The following BACH2 variants were observed in gnomAD, a reference collection of about 807,000 sequenced individuals.
The protein encoded by BACH2 is BACH transcriptional regulator 2.
In BACH2, 5 loss-of-function variants were observed where a neutral mutation model predicts 61.8. The ratio of observed to expected loss-of-function variants is 0.08; its 90% CI spans 0.04 to 0.17. The LOEUF (loss-of-function observed/expected upper bound fraction) is 0.17. BACH2 is among the 10% of genes least tolerant of loss of function. The pLI is 1.00. For missense variants in BACH2, 824 were observed against 1,091.1 expected (o/e 0.76, Z 3.45); for synonymous variants, 446 against 440.1 (o/e 1.01, Z -0.17).
intron 2 of BACH2, among the ~76,000 whole-genome samples, chr6:90,271,254 A>G (rs1243919601): frequency 6.6e-6 from 1 of 152,070 alleles, no homozygotes; most frequent in Non-Finnish European, 1.5e-5. Flanking sequence ...CAACAGAGTA[A>G]AAAGACAACC....
intron 3 of BACH2, among the ~76,000 whole-genome samples, chr6:90,219,354 C>T (rs1769658252): frequency 6.6e-6 from 1 of 152,184 alleles, no homozygotes; most frequent in Non-Finnish European, 1.5e-5. Flanking sequence ...CCTCAGATAG[C>T]CAAGCGGGTG....
chr6:90,079,901 G>C (rs1562427471), intron 5 of BACH2, among the ~76,000 whole-genome samples: 1 of 151,874 alleles, frequency 6.6e-6, no homozygotes, highest in Non-Finnish European at 1.5e-5. Flanking sequence ...TTTCCAGTTA[G>C]TGTTTGTACT....
rs534263297 is a variant in BACH2 at position 90,122,414 on chromosome 6, C to A, written c.-161-33305G>T. Among the ~76,000 whole-genome samples, 38 of 151,538 alleles carry A rather than the reference C, an allele frequency of 2.5e-4. 1 individual carries two copies. The East Asian group carries it at 5.0e-3, about 20-fold the overall frequency. ...CCCTTACCAGAACAACAAGAACAAT[C>A]AAAAAAAAGGTTTACAGGAAAGGAC... is the stretch of plus-strand genomic sequence containing the variant. On this transcript the variant is annotated intron_variant, in intron 4 of 8. Transcript: ENST00000257749.
intron 5 of BACH2, among the ~76,000 whole-genome samples, chr6:90,065,656 TAGA>T (rs1780925995): frequency 1.3e-5 from 2 of 152,296 alleles, no homozygotes; most frequent in African/African-American, 4.8e-5. Context: ...CAGTCCAAAC[TAGA>T]AGAACTGCCC....
At chr6:90,174,836 T>C (rs1171902846) in intron 4 of BACH2, among the ~76,000 whole-genome samples, 1 of 151,494 alleles carries the variant, frequency 6.6e-6, no homozygotes, top group Non-Finnish European at 1.5e-5. Flanking sequence ...TTCTATTACA[T>C]AAAAGCTAAA....
chr6:89,939,234 G>A (rs1584503318), intron 7 of BACH2, among the ~76,000 whole-genome samples: 1 of 152,164 alleles, frequency 6.6e-6, no homozygotes, highest in East Asian at 1.9e-4. Flanking sequence ...GATGCCTCTA[G>A]TCAACAACCA....
intron 5 of BACH2, among the ~76,000 whole-genome samples, chr6:90,054,549 G>C (rs1395644114): frequency 6.6e-6 from 1 of 152,236 alleles, no homozygotes; most frequent in Non-Finnish European, 1.5e-5. Context: ...TCTGGGGGCA[G>C]GGCACAGACA....
At chr6:90,156,275 A>T (rs1300801944) in intron 4 of BACH2, among the ~76,000 whole-genome samples, 7 of 152,204 alleles carry the variant, frequency 4.6e-5, no homozygotes, top group African/African-American at 1.4e-4. Flanking sequence ...CATAAGCAAC[A>T]CTTCCACTGC....
At chr6:89,947,724 C>T (rs1253379992) in intron 7 of BACH2, among the ~76,000 whole-genome samples, 2 of 152,028 alleles carry the variant, frequency 1.3e-5, no homozygotes, top group East Asian at 3.9e-4. Context: ...CACCACGACG[C>T]CCAGCTAATT....
chr6:90,103,129 T>A (rs1171798678), intron 4 of BACH2, among the ~76,000 whole-genome samples: 1 of 149,214 alleles, frequency 6.7e-6, no homozygotes, highest in African/African-American at 2.5e-5. Context: ...TCTTGATCCA[T>A]GAGTCACTGA....
At chr6:90,174,442 T>C (rs896657434) in intron 4 of BACH2, among the ~76,000 whole-genome samples, 5 of 152,050 alleles carry the variant, frequency 3.3e-5, no homozygotes, top group Non-Finnish European at 7.4e-5. Flanking sequence ...ACAAATACCA[T>C]ACTTTATAAT....
chr6:90,038,758 C>A (rs1226321233), intron 5 of BACH2, among the ~76,000 whole-genome samples: 1 of 151,874 alleles, frequency 6.6e-6, no homozygotes, highest in Non-Finnish European at 1.5e-5. Flanking sequence ...TTACATATGG[C>A]CCGGGCATGG....
chr6:90,033,562 C>T (rs1562386869), intron 5 of BACH2, among the ~76,000 whole-genome samples: 1 of 152,052 alleles, frequency 6.6e-6, no homozygotes, highest in Non-Finnish European at 1.5e-5. Context: ...AATGGAGGTG[C>T]ATTTATATAG....
intron 4 of BACH2, among the ~76,000 whole-genome samples, chr6:90,111,965 C>CCA (rs951126300): frequency 7.3e-4 from 111 of 152,338 alleles, no homozygotes; most frequent in African/African-American, 2.5e-3. Context: ...TCTCTGCATA[C>CCA]TGCAAAATAT....
At chr6:90,021,299 T>TAAAAAAAAAAAAAAAAAAAAAAAAAA (rs200724602) in intron 5 of BACH2, among the ~76,000 whole-genome samples, 1 of 100,242 alleles carries the variant, frequency 1.0e-5, no homozygotes, top group Non-Finnish European at 2.3e-5. Context: ...AGCAAAAAAG[T>TAAAAAAAAAAAAAAAAAAAAAAAAAA]AAAAAAAAAA....
intron 4 of BACH2, among the ~76,000 whole-genome samples, chr6:90,184,586 T>C (rs1385630900): frequency 6.6e-6 from 1 of 152,088 alleles, no homozygotes; most frequent in East Asian, 1.9e-4. Context: ...CCGGGGGAAG[T>C]GGAGGACCAT....
intron 2 of BACH2, among the ~76,000 whole-genome samples, chr6:90,257,995 C>T (rs1217089819): frequency 1.3e-5 from 2 of 152,092 alleles, no homozygotes; most frequent in Non-Finnish European, 1.5e-5. Flanking sequence ...AGGATGGTCT[C>T]GATCTCCTGA....
At chr6:90,037,769 T>C (rs1480407021) in intron 5 of BACH2, among the ~76,000 whole-genome samples, 1 of 152,218 alleles carries the variant, frequency 6.6e-6, no homozygotes, top group Non-Finnish European at 1.5e-5. Context: ...AATAATATCA[T>C]TGCAGATGTA....
intron 5 of BACH2, among the ~76,000 whole-genome samples, chr6:90,079,437 CT>C (rs1438296258): frequency 6.6e-6 from 1 of 152,130 alleles, no homozygotes; most frequent in Non-Finnish European, 1.5e-5. Context: ...AAGGCAATTC[CT>C]TTTTAAAAAA....
Sources: gnomAD v4.1 joint callset for allele counts (sites outside exome capture counted in the v4.1 genomes callset) on GRCh38, gnomAD v4.1.1 for gene constraint, MANE v1.5 for transcripts, NCBI Gene and HGNC (gene_info 2026-07-23, HGNC 2026-07-21) for gene names.